The following PASD1 variants were observed in gnomAD, a reference collection of about 807,000 sequenced individuals.
The protein encoded by PASD1 is PAS domain containing repressor 1, also known as circadian clock protein PASD1.
Under a neutral mutation model 58.8 loss-of-function variants are expected in PASD1, and 13 were observed. The observed-to-expected ratio is 0.22, with a 90% CI of 0.14 to 0.35. The LOEUF (loss-of-function observed/expected upper bound fraction) is 0.35, where lower values mean the gene tolerates loss of function less well. PASD1 is among the 10% of genes least tolerant of loss of function. The pLI, the probability that PASD1 is intolerant of heterozygous loss-of-function variation, is 1.00. For missense variants in PASD1, 734 were observed against 568.3 expected, an observed-to-expected ratio of 1.29 and a Z score of -2.96; for synonymous variants, 236 against 216.7, an observed-to-expected ratio of 1.09 and a Z score of -0.78.
At chrX:151,577,682 G>A (rs1045178622) in intron 1 of PASD1, among the ~76,000 whole-genome samples, 1 of 111,308 alleles carries the variant, frequency 9.0e-6, no homozygotes, top group African/African-American at 3.3e-5. Context: ...CCGCCACCAC[G>A]CCCAGCAAAT....
chrX:151,659,821 A>C lies in PASD1; in HGVS notation c.826A>C (p.Met276Leu). ...YCSSTVFLDT[M>L]PESPALSLQD... ...CTCCAGTACAGTTTTCCTGGATACT[A>C]TGCCTGAATCTCCAGGTAGGTACAT... Residue 276 changes from methionine (M) to leucine (L), a missense_variant, in exon 10 of 16, where the codon ATG (methionine) becomes CTG (leucine). Transcript: ENST00000370357. 1 of 1,206,324 alleles carries C rather than the reference A, an allele frequency of 8.3e-7. No individual in the cohort carries two copies. The highest frequency in any genetic ancestry group is 1.8e-5 in the South Asian group (1 of 56,313).
intron 2 of PASD1, 106 bp from the exon 3 acceptor site, chrX:151,604,540 A>G (rs931124008): frequency 5.7e-6 from 3 of 526,060 alleles, no homozygotes; most frequent in South Asian, 6.8e-5. Flanking sequence ...GCATTTTCTC[A>G]TAAGAGTCTT....
intron 1 of PASD1, among the ~76,000 whole-genome samples, chrX:151,592,378 A>G (rs751798604): frequency 4.5e-5 from 5 of 112,080 alleles, no homozygotes; most frequent in African/African-American, 1.6e-4. Context: ...GTTTTGTTAA[A>G]TTAGCTACTA....
At chrX:151,613,163 T>C (rs558732477) in intron 4 of PASD1, among the ~76,000 whole-genome samples, 3 of 111,306 alleles carry the variant, frequency 2.7e-5, no homozygotes, top group Non-Finnish European at 3.8e-5. Context: ...CTCTGTTCTG[T>C]TCCATTGGTC....
At chrX:151,582,385 G>A (rs5969803) in intron 1 of PASD1, among the ~76,000 whole-genome samples, 49,258 of 109,719 alleles carry the variant, frequency 0.45, 9,461 homozygotes, top group East Asian at 0.94. Context: ...AGGCTCAAGT[G>A]ATCCTCCTGC....
rs1220066503 is a variant in PASD1 at position 151,672,608 on chromosome X, C to T, written c.1863C>T (p.Pro621=). The part of the protein sequence containing the change: ...VPVQRAAEQQ[P]SGFYQDENCG... Reference sequence around the variant, plus strand: ...TCCAGAGAGCAGCTGAACAACAGCCCTCTGGCTTCTATCAAGATGAAAACT... The same window carrying T: ...TCCAGAGAGCAGCTGAACAACAGCCTTCTGGCTTCTATCAAGATGAAAACT... The change falls in exon 14 of 16, where the codon CCC becomes CCT. Residue 621 remains proline (P), a synonymous_variant. Coordinates refer to ENST00000370357, the MANE Select transcript of PASD1 (RefSeq NM_173493.3). 5 of 1,212,094 alleles carry T rather than the reference C, an allele frequency of 4.1e-6. No homozygotes were observed.
intron 8 of PASD1, among the ~76,000 whole-genome samples, chrX:151,635,310 A>G (rs1322535035): frequency 8.9e-6 from 1 of 112,149 alleles, no homozygotes; most frequent in Non-Finnish European, 1.9e-5. Flanking sequence ...AGATCTAGGC[A>G]TTAGTTCTGG....
intron 1 of PASD1, among the ~76,000 whole-genome samples, chrX:151,572,558 A>C (rs1042652639): frequency 3.6e-5 from 4 of 111,739 alleles, no homozygotes; most frequent in African/African-American, 1.3e-4. Context: ...TTTACGGTTT[A>C]AATTTTTCTG....
chrX:151,622,643 C>T (rs2013730342), intron 6 of PASD1, among the ~76,000 whole-genome samples: 1 of 108,423 alleles, frequency 9.2e-6, no homozygotes, highest in Admixed American at 9.9e-5. Context: ...CCCATATGGT[C>T]TATATAAAAG....
chrX:151,652,081 A>G (rs1201600000), intron 9 of PASD1, among the ~76,000 whole-genome samples: 1 of 112,400 alleles, frequency 8.9e-6, no homozygotes, highest in African/African-American at 3.2e-5. Flanking sequence ...TATTTATTGA[A>G]CACCTACCAG....
In PASD1 at chrX:151,614,253, G is replaced by T. The variant is rs568514544; in HGVS notation, c.207+2500G>T. 8.7e-4 allele frequency among the ~76,000 whole-genome samples: 97 copies of T among 111,590 alleles called. 1 individual carries two copies. In the South Asian group the frequency reaches 0.013, roughly 15 times the overall value. On this transcript the variant is annotated intron_variant, in intron 4 of 15. Coordinates refer to ENST00000370357, the MANE Select transcript of PASD1 (RefSeq NM_173493.3). Reference sequence around the variant, plus strand: ...GCCCATCTCGGCCTCCCAAAGTGCTGGGATTAAAAGCGTGAGCCACCATGC... The same window carrying T: ...GCCCATCTCGGCCTCCCAAAGTGCTTGGATTAAAAGCGTGAGCCACCATGC...
chrX:151,566,527 T>A (rs1602895648), intron 1 of PASD1, among the ~76,000 whole-genome samples: 1 of 111,526 alleles, frequency 9.0e-6, no homozygotes, highest in Non-Finnish European at 1.9e-5. Context: ...AGGGATCAGT[T>A]TGAGGAGTTG....
At chrX:151,565,473 A>G (rs1185603563) in intron 1 of PASD1, among the ~76,000 whole-genome samples, 1 of 110,914 alleles carries the variant, frequency 9.0e-6, no homozygotes, top group African/African-American at 3.3e-5. Flanking sequence ...ATCAGCAAAG[A>G]ACAGGCGTGA....
Position 151,671,155 on chromosome X carries a change from A to G in PASD1, c.1189A>G (p.Asn397Asp). ...TTGGTTGCTGCATGATGCCATCCAA[A>G]ACCAGCAGAATGCATTGGAATTGAT... is the stretch of plus-strand genomic sequence containing the variant. ...RTWLLHDAIQ[N>D]QQNALELMMD... is the part of the protein sequence containing the mutation. The change falls in exon 12 of 16, where the codon AAC (asparagine) becomes GAC (aspartate). Residue 397 changes from asparagine to aspartate, a missense_variant. Transcript: ENST00000370357. 6 of 1,211,843 alleles carry G rather than the reference A, an allele frequency of 5.0e-6. No individual in the cohort carries two copies. Among genetic ancestry groups the G allele is most frequent in the Non-Finnish European group, 6.7e-6 (6 of 895,520 alleles).
intron 1 of PASD1, among the ~76,000 whole-genome samples, chrX:151,588,684 G>A (rs1044281431): frequency 1.8e-5 from 2 of 112,018 alleles, no homozygotes; most frequent in Admixed American, 1.9e-4. Flanking sequence ...AGATTCCTGG[G>A]TTCTAGAGCA....
Position 151,625,450 on chromosome X carries a change from A to C in PASD1, c.549A>C (p.Gln183His), listed in dbSNP as rs761296663. The C allele has an allele frequency of 8.3e-7, 1 of 1,201,493 alleles. No homozygotes were observed. Among genetic ancestry groups the C allele is most frequent in the Non-Finnish European group, 1.1e-6 (1 of 890,777 alleles). ...TAAATATTTGAATTTTTCTGCAGCA[A>C]CTTTACACTTCAAAGGCAGTCAGTG... ...VCILRTQLLQ[Q>H]LYTSKAVSDE... Residue 183 changes from glutamine to histidine, a missense_variant and splice_region_variant, in exon 8 of 16, where the codon CAA (glutamine) becomes CAC (histidine). Transcript: ENST00000370357.
rs1039479086 is a variant in PASD1, at chrX:151,671,203, CAGGATGCT to C, written c.1230+11_1230+18del. The C allele has an allele frequency of 8.3e-6, 10 of 1,207,468 alleles. No homozygotes were observed. In the Admixed American group the frequency reaches 1.5e-4, roughly 19 times the overall value. On this transcript the variant is annotated splice_region_variant and intron_variant, in intron 12 of 15. Coordinates refer to ENST00000370357, the MANE Select transcript of PASD1 (RefSeq NM_173493.3). The stretch of plus-strand genomic sequence containing the variant: ...GATGATGGATCACCTTCAGGTCAGT[CAGGATGCT>C]AGGTTTCAGGTCAGAGACCAGTTCT...
chrX:151,654,878 C>T (rs1030509389), intron 9 of PASD1, among the ~76,000 whole-genome samples: 2 of 110,283 alleles, frequency 1.8e-5, no homozygotes, highest in African/African-American at 6.6e-5. Context: ...TTATACTTTA[C>T]GTTCTAGGGT....
chrX:151,600,396 A>C (rs1259912680), intron 1 of PASD1, among the ~76,000 whole-genome samples: 2 of 111,009 alleles, frequency 1.8e-5, no homozygotes, highest in African/African-American at 6.6e-5. Context: ...ACAGTGCCTT[A>C]TTTGTGGAAA....
Sources: allele counts gnomAD v4.1 joint callset (sites outside exome capture counted in the v4.1 genomes callset), GRCh38; gene constraint gnomAD v4.1.1; transcripts MANE v1.5; gene names NCBI Gene and HGNC (gene_info 2026-07-23, HGNC 2026-07-21).